Variants in TAF15 observed in about 807,000 individuals in gnomAD.
TAF15 encodes the protein TATA-binding protein-associated factor 2N.
Under a neutral mutation model 102.5 loss-of-function variants are expected in TAF15, and 37 were observed. The ratio of observed to expected loss-of-function variants is 0.36; its 90% CI spans 0.28 to 0.47. The LOEUF (loss-of-function observed/expected upper bound fraction) is 0.47. TAF15 is among the 20% of genes least tolerant of loss of function. The pLI is 0.99. For synonymous variants in TAF15, 273 were observed against 259.2 expected (o/e 1.05, Z -0.51); for missense variants, 652 against 760.7 (o/e 0.86, Z 1.68).
At chr17:35,815,332 C>A (rs897803272) in intron 1 of TAF15, among the ~76,000 whole-genome samples, 1 of 152,184 alleles carries the variant, frequency 6.6e-6, no homozygotes, top group Non-Finnish European at 1.5e-5. Flanking sequence ...ATGCCTTAAT[C>A]TATAAACTGA....
chr17:35,841,629 C>G (rs866876953), intron 11 of TAF15, among the ~76,000 whole-genome samples: 4 of 151,914 alleles, frequency 2.6e-5, no homozygotes, highest in African/African-American at 7.3e-5. Context: ...GTCCCAAACT[C>G]CTGAGCCCCA....
chr17:35,841,839 A>G (rs2087551626), intron 11 of TAF15, among the ~76,000 whole-genome samples: 1 of 152,108 alleles, frequency 6.6e-6, no homozygotes, highest in Non-Finnish European at 1.5e-5. Flanking sequence ...CTAGGACTAC[A>G]GGCGCATGCC....
chr17:35,812,881 C>T (rs2087142713), intron 1 of TAF15, among the ~76,000 whole-genome samples: 1 of 151,246 alleles, frequency 6.6e-6, no homozygotes, highest in Non-Finnish European at 1.5e-5. Flanking sequence ...TAATCCCAGC[C>T]CTTTGGGATC....
intron 8 of TAF15, chr17:35,834,153 A>C: frequency 5.5e-6 from 2 of 361,994 alleles, no homozygotes; most frequent in Non-Finnish European, 4.8e-6. Flanking sequence ...AAACAGTCCA[A>C]TGGGTTTTCT....
In TAF15 at chr17:35,844,550, C is replaced by G. The variant is rs765897988; in HGVS notation, c.1251C>G (p.Gly417=). 1 of 1,596,676 alleles carries G rather than the reference C, an allele frequency of 6.3e-7. No individual in the cohort carries two copies. Among genetic ancestry groups the G allele is most frequent in the Non-Finnish European group, 8.5e-7 (1 of 1,171,412 alleles). ...GRGGRGGDRG[G]YGGDRSGGGY... Reference sequence around the variant, plus strand: ...GGGGCAGAGGTGGAGACCGAGGCGGCTATGGTGGAGACAGAAGTGGGGGTG... The same window carrying G: ...GGGGCAGAGGTGGAGACCGAGGCGGGTATGGTGGAGACAGAAGTGGGGGTG... Residue 417 remains glycine (G), a synonymous_variant, in exon 15 of 16, where the codon GGC becomes GGG. Transcript: ENST00000605844.
Position 35,822,680 on chromosome 17 carries a change from G to A in TAF15, c.331G>A (p.Gly111Ser). Residue 111 changes from glycine (G) to serine (S), a missense_variant, in exon 6 of 16, where the codon GGT becomes AGT. By Grantham distance (56) the Gly-to-Ser change is moderately conservative (BLOSUM62 0). This residue lies in a region of TAF15 where 243 missense variants were observed against 284.1 expected (regional missense o/e 0.86). Coordinates refer to ENST00000605844, the MANE Select transcript of TAF15 (RefSeq NM_139215.3). ...ACCTTCCTATGACCAGCCAGACTAT[G>A]GTCAACAAGATTCATATGACCAGCA... ...RAPSYDQPDY[G>S]QQDSYDQQSG... 1 of 1,614,054 alleles carries A rather than the reference G, an allele frequency of 6.2e-7. No homozygotes were observed. The highest frequency in any genetic ancestry group is 8.5e-7 in the Non-Finnish European group (1 of 1,179,994).
chr17:35,814,705 T>G (rs2087172510), intron 1 of TAF15, among the ~76,000 whole-genome samples: 1 of 151,654 alleles, frequency 6.6e-6, no homozygotes, highest in South Asian at 2.1e-4. Flanking sequence ...ATACAAAAAC[T>G]AGCCGGGCAA....
chr17:35,844,257 A>G (rs1412390981), intron 13 of TAF15, 23 bp from the exon 14 acceptor site: 1 of 1,613,554 alleles, frequency 6.2e-7, no homozygotes, highest in East Asian at 2.2e-5. Context: ...ATATAGGAGC[A>G]TTATATTTTC....
intron 1 of TAF15, chr17:35,817,371 C>T (rs1383507251): frequency 7.3e-6 from 2 of 273,414 alleles, no homozygotes; most frequent in Non-Finnish European, 7.0e-6. Flanking sequence ...CATGTCTTTC[C>T]CCTTTTTGGA....
At chr17:35,810,922 A>T (rs2087117463) in intron 1 of TAF15, 1 of 152,238 alleles carries the variant, frequency 6.6e-6, no homozygotes, top group Non-Finnish European at 1.5e-5. Flanking sequence ...CACTTCTTTC[A>T]GTTTCTGCTT....
intron 7 of TAF15, among the ~76,000 whole-genome samples, chr17:35,826,983 C>A (rs1046678810): frequency 6.6e-6 from 1 of 151,660 alleles, no homozygotes; most frequent in Non-Finnish European, 1.5e-5. Flanking sequence ...AATATAGATG[C>A]CCTGTTTTAA....
Position 35,844,059 on chromosome 17 carries a change from CT to C in TAF15, c.1007-17del. 2 of 1,612,608 alleles carry C rather than the reference CT, an allele frequency of 1.2e-6. No individual in the cohort carries two copies. The highest frequency in any genetic ancestry group is 1.7e-6 in the Non-Finnish European group (2 of 1,178,664). On this transcript the variant is annotated splice_polypyrimidine_tract_variant and intron_variant, in intron 12 of 15. Coordinates refer to ENST00000605844, the MANE Select transcript of TAF15 (RefSeq NM_139215.3). ...AATATCTGCTGCTGATTTTTCTCCCCTGGCCCCATCCCCCTAGGCCGTGGAG... is the reference window on the plus strand; with the variant it reads ...AATATCTGCTGCTGATTTTTCTCCCCGGCCCCATCCCCCTAGGCCGTGGAG...
chr17:35,809,674 C>T (rs2087101144), intron 1 of TAF15, 98 bp downstream of exon 1: 1 of 1,559,278 alleles, frequency 6.4e-7, no homozygotes, highest in Non-Finnish European at 8.8e-7. Flanking sequence ...GAGAAGCCTC[C>T]GGCCCTGAGG....
intron 11 of TAF15, among the ~76,000 whole-genome samples, chr17:35,839,370 CTTTTTTTTTTTTT>C (rs562461506): frequency 1.5e-4 from 8 of 52,420 alleles, no homozygotes; most frequent in East Asian, 4.9e-4. Context: ...AAGAAATAGA[CTTTTTTTTTTTTT>C]TTTTTTTTTT....
intron 7 of TAF15, among the ~76,000 whole-genome samples, chr17:35,831,277 G>A (rs538865968): frequency 6.6e-6 from 1 of 151,910 alleles, no homozygotes; most frequent in South Asian, 2.1e-4. Flanking sequence ...CATGGTGGCG[G>A]GCGCCTGTAG....
At chr17:35,829,630 TCAAAAAAA>T (rs1427629802) in intron 7 of TAF15, among the ~76,000 whole-genome samples, 1 of 39,644 alleles carries the variant, frequency 2.5e-5, no homozygotes, top group African/African-American at 1.2e-4. Flanking sequence ...AGACTCCATC[TCAAAAAAA>T]AAAAAAAAAA....
In TAF15 at chr17:35,822,738, A is replaced by T; in HGVS notation, c.389A>T (p.Asp130Val). Residue 130 changes from aspartate to valine, a missense_variant, in exon 6 of 16, where the codon GAT becomes GTT. By Grantham distance (152) the Asp-to-Val change is radical. Around this residue, in one of 3 missense-constraint regions of TAF15, gnomAD observed 243 missense variants for 284.1 expected, o/e 0.86. Coordinates refer to ENST00000605844, the MANE Select transcript of TAF15 (RefSeq NM_139215.3). ...TATGATCAACATCAAGGCTCATATGATGAGCAGTCAAATTATGATCAGCAG... is the reference window on the plus strand; with the variant it reads ...TATGATCAACATCAAGGCTCATATGTTGAGCAGTCAAATTATGATCAGCAG... The part of the protein sequence containing the change: ...SGYDQHQGSY[D>V]EQSNYDQQHD... 1 of 1,614,218 alleles carries T rather than the reference A, an allele frequency of 6.2e-7. No homozygotes were observed. The highest frequency in any genetic ancestry group is 1.3e-5 in the African/African-American group (1 of 75,066).
Position 35,844,984 on chromosome 17 carries a change from G to A in TAF15, c.1685G>A (p.Arg562Gln), listed in dbSNP as rs752394270. Residue 562 changes from arginine (R) to glutamine (Q), a missense_variant, in exon 15 of 16, where the codon CGA (arginine) becomes CAA (glutamine). Coordinates refer to ENST00000605844, the MANE Select transcript of TAF15 (RefSeq NM_139215.3). ...DRSGGGYGGD[R>Q]GGGYGGDRGG... is the part of the protein sequence containing the mutation. ...AGTGGTGGCGGCTATGGAGGAGACC[G>A]AGGTGGGGGCTACGGAGGAGACCGA... 3.3e-5 allele frequency: 53 copies of A among 1,611,944 alleles called. No homozygotes were observed. The highest frequency in any genetic ancestry group is 5.5e-5 in the South Asian group (5 of 90,992).
At position 35,836,112 on chromosome 17, in the gene TAF15, C is replaced by G. The variant is rs1376423918; in HGVS notation, c.674-20C>G. The G allele has an allele frequency of 6.6e-7, 1 of 1,509,556 alleles. No individual in the cohort carries two copies. The highest frequency in any genetic ancestry group is 9.2e-7 in the Non-Finnish European group (1 of 1,085,718). The allele number at this position is 1,509,556 out of a possible 1,614,324, so 93.5% of individuals were successfully genotyped here. A position where few individuals can be genotyped will look rare whatever the true frequency, so the allele number is the denominator to read the frequency against. Reference sequence around the variant, plus strand: ...TAACCAAGGAATATGTAAAATTAACCATCACTTTTTTTCTCTTAGATTCAG... The same window carrying G: ...TAACCAAGGAATATGTAAAATTAACGATCACTTTTTTTCTCTTAGATTCAG... On this transcript the variant is annotated intron_variant, in intron 9 of 15. Transcript: ENST00000605844.
Sources: allele counts gnomAD v4.1 joint callset (sites outside exome capture counted in the v4.1 genomes callset), GRCh38; gene constraint gnomAD v4.1.1; regional missense constraint gnomAD v4.1.1; transcripts MANE v1.5; gene names NCBI Gene and HGNC (gene_info 2026-07-23, HGNC 2026-07-21).